C2orf42: variants seen among roughly 807,000 people sequenced by gnomAD.
C2orf42 encodes the protein uncharacterized protein C2orf42.
A neutral mutation model predicts 58.9 loss-of-function variants in C2orf42; 44 were observed. The observed-to-expected ratio is 0.75, with a 90% CI of 0.59 to 0.96. The LOEUF (loss-of-function observed/expected upper bound fraction) is 0.96. C2orf42 is among the 40% of genes least tolerant of loss of function. C2orf42 has a pLI of 0.00. For synonymous variants in C2orf42, 239 were observed against 265.4 expected (o/e 0.90, Z 0.97); for missense variants, 630 against 699.2 (o/e 0.90, Z 1.12).
chr2:70,153,274 G>T (rs184962414), intron 9 of C2orf42, among the ~76,000 whole-genome samples: 2 of 151,936 alleles, frequency 1.3e-5, no homozygotes, highest in Non-Finnish European at 2.9e-5. Flanking sequence ...CTGCATCAGC[G>T]CTCCACATAC....
At chr2:70,184,479 ATTTTTTTTTTTT>A (rs771522645) in intron 1 of C2orf42, among the ~76,000 whole-genome samples, 3 of 77,356 alleles carry the variant, frequency 3.9e-5, no homozygotes, top group Admixed American at 1.6e-4. Context: ...GCCTGGCCCT[ATTTTTTTTTTTT>A]TTTTTTTTTT....
In C2orf42 at chr2:70,181,674, C is replaced by T. The variant is rs150286178; in HGVS notation, c.312G>A (p.Gly104=). 1.9e-3 allele frequency: 3,122 copies of T among 1,614,164 alleles called. 7 individuals carry two copies. Among genetic ancestry groups the T allele is most frequent in the Non-Finnish European group, 2.4e-3 (2,838 of 1,180,028 alleles). Residue 104 remains glycine (G), a synonymous_variant, in exon 3 of 10, where the codon GGG becomes GGA. Coordinates refer to ENST00000264434, the MANE Select transcript of C2orf42 (RefSeq NM_017880.3). ...CAGAGCTCAGCTGAGTGATGATCGT[C>T]CCATCCACTGTCTGGATTGTTGTCT... is the stretch of plus-strand genomic sequence containing the variant. ...VSETTIQTVD[G]TIITQLSSGR...
rs973746086 is a variant in C2orf42 at position 70,178,708 on chromosome 2, G to A, written c.934+824C>T. ...CCAGCACTATGGGAAGCCAAAGCGGGTGGATCACCTGAGGTCAGGAGTTCA... is the reference window on the plus strand; with the variant it reads ...CCAGCACTATGGGAAGCCAAAGCGGATGGATCACCTGAGGTCAGGAGTTCA... On this transcript the variant is annotated intron_variant, in intron 4 of 9. Transcript: ENST00000264434. Among the ~76,000 whole-genome samples, 14 of 152,082 alleles carry A rather than the reference G, an allele frequency of 9.2e-5. No homozygotes were observed. In the East Asian group the frequency reaches 2.7e-3, roughly 29 times the overall value.
intron 9 of C2orf42, among the ~76,000 whole-genome samples, chr2:70,157,989 T>C (rs1672792271): frequency 6.6e-6 from 1 of 151,860 alleles, no homozygotes; most frequent in African/African-American, 2.4e-5. Context: ...TCACCAGACG[T>C]CCAGAGTTCG....
chr2:70,189,696 C>T (rs189651447), intron 1 of C2orf42, among the ~76,000 whole-genome samples: 4,543 of 135,970 alleles, frequency 0.033, 226 homozygotes, highest in African/African-American at 0.12. Context: ...CCAGCCTGGG[C>T]GACAGCGAGA....
intron 6 of C2orf42, among the ~76,000 whole-genome samples, chr2:70,169,342 T>A (rs1364760357): frequency 1.3e-5 from 2 of 152,144 alleles, no homozygotes; most frequent in Non-Finnish European, 2.9e-5. Context: ...TTTGCTATGT[T>A]TTTTCTCTTC....
At chr2:70,151,691 A>G (rs1672321183) in intron 9 of C2orf42, among the ~76,000 whole-genome samples, 1 of 152,110 alleles carries the variant, frequency 6.6e-6, no homozygotes, top group Admixed American at 6.6e-5. Flanking sequence ...ATGTATATAC[A>G]TTTTTATATT....
chr2:70,154,519 G>GAT (rs1672533429), intron 9 of C2orf42, among the ~76,000 whole-genome samples: 1 of 147,470 alleles, frequency 6.8e-6, no homozygotes, highest in East Asian at 2.0e-4. Flanking sequence ...CATCTAGACA[G>GAT]ATTAAAGGAA....
intron 4 of C2orf42, among the ~76,000 whole-genome samples, chr2:70,177,173 G>C (rs149356657): frequency 4.6e-5 from 7 of 152,054 alleles, no homozygotes; most frequent in African/African-American, 1.7e-4. Flanking sequence ...TTAGGAGACC[G>C]AGGCAGGAGA....
rs369154784 is a variant in C2orf42, at chr2:70,150,311, G to A, written c.*45C>T. 9 of 1,530,252 alleles carry A rather than the reference G, an allele frequency of 5.9e-6. No individual in the cohort carries two copies. In the African/African-American group the frequency reaches 1.1e-4, roughly 19 times the overall value. 94.8% of individuals were successfully genotyped at this position (1,530,252 alleles called of 1,614,324 possible). The stretch of plus-strand genomic sequence containing the variant: ...TAGCATTTAAAGTTGTCAAGGGGTG[G>A]GGATGTGCAAATTAAGCAGCAAAAG... On this transcript the variant is annotated 3_prime_UTR_variant, in exon 10 of 10. Coordinates refer to ENST00000264434, the MANE Select transcript of C2orf42 (RefSeq NM_017880.3).
chr2:70,186,871 C>T (rs1674970734), intron 1 of C2orf42, among the ~76,000 whole-genome samples: 2 of 150,534 alleles, frequency 1.3e-5, no homozygotes, highest in South Asian at 4.2e-4. Flanking sequence ...CCAAACACCG[C>T]ATGTTCTCAC....
Position 70,173,571 on chromosome 2 carries a change from G to A in C2orf42, c.1039+2102C>T, listed in dbSNP as rs565394784. Among the ~76,000 whole-genome samples the A allele has an allele frequency of 9.2e-5, 14 of 151,432 alleles. No homozygotes were observed. The South Asian group carries it at 2.5e-3, about 27-fold the overall frequency. ...GCTGGGATCACAGGCGTGAGCCACC[G>A]TGCTTGGTCATAAGTTCTTAATGAA... On this transcript the variant is annotated intron_variant, in intron 5 of 9. Coordinates refer to ENST00000264434, the MANE Select transcript of C2orf42 (RefSeq NM_017880.3).
chr2:70,171,580 A>T (rs552527158), intron 5 of C2orf42, among the ~76,000 whole-genome samples: 2 of 152,042 alleles, frequency 1.3e-5, no homozygotes, highest in South Asian at 2.1e-4. Context: ...GCATGATCTC[A>T]GCTCACTGCA....
chr2:70,189,406 CAAAAAAAAAAAA>C (rs1182514916), intron 1 of C2orf42, among the ~76,000 whole-genome samples: 9 of 27,142 alleles, frequency 3.3e-4, no homozygotes, highest in Admixed American at 7.6e-4. Context: ...AACTCCATCT[CAAAAAAAAAAAA>C]AAAAAAAAAA....
At chr2:70,160,392 C>T (rs1672977902) in intron 9 of C2orf42, among the ~76,000 whole-genome samples, 1 of 152,170 alleles carries the variant, frequency 6.6e-6, no homozygotes, top group Non-Finnish European at 1.5e-5. Context: ...ATCCACCTGT[C>T]TTGGCCTCCC....
chr2:70,163,918 A>G (rs1439405546), intron 8 of C2orf42, among the ~76,000 whole-genome samples: 2 of 151,978 alleles, frequency 1.3e-5, no homozygotes, highest in African/African-American at 4.8e-5. Flanking sequence ...ACCTGTAATC[A>G]CAGTACTTTG....
At chr2:70,158,004 C>T (rs978459956) in intron 9 of C2orf42, among the ~76,000 whole-genome samples, 1 of 151,986 alleles carries the variant, frequency 6.6e-6, no homozygotes, top group Non-Finnish European at 1.5e-5. Context: ...AGTTCGACAT[C>T]AGCCTGGTTA....
intron 1 of C2orf42, 43 bp downstream of exon 1, chr2:70,190,930 C>G (rs1159016155): frequency 6.5e-6 from 1 of 152,708 alleles, no homozygotes; most frequent in Non-Finnish European, 1.5e-5. Context: ...GCCCTGCGCA[C>G]CCCCCGCGAG....
At chr2:70,188,184 TTTTTA>T (rs1275248810) in intron 1 of C2orf42, among the ~76,000 whole-genome samples, 5 of 151,908 alleles carry the variant, frequency 3.3e-5, no homozygotes, top group East Asian at 1.9e-4. Flanking sequence ...CTAATGCCCC[TTTTTA>T]TTTTATTTAT....
Sources: gnomAD v4.1 joint callset for allele counts (sites outside exome capture counted in the v4.1 genomes callset) on GRCh38, gnomAD v4.1.1 for gene constraint, MANE v1.5 for transcripts, NCBI Gene and HGNC (gene_info 2026-07-23, HGNC 2026-07-21) for gene names.